The following ALK variants were observed in gnomAD, a reference collection of about 807,000 sequenced individuals.
ALK encodes ALK tyrosine kinase receptor.
A neutral mutation model predicts 163.1 loss-of-function variants in ALK; 74 were observed. The ratio of observed to expected loss-of-function variants is 0.45; its 90% CI spans 0.38 to 0.55. The LOEUF (loss-of-function observed/expected upper bound fraction) is 0.55. ALK is among the 20% of genes least tolerant of loss of function. ALK has a pLI of 0.00. For missense variants in ALK, 2,063 were observed against 2,105.3 expected, an observed-to-expected ratio of 0.98 and a Z score of 0.39; for synonymous variants, 960 against 843.2, an observed-to-expected ratio of 1.14 and a Z score of -2.40.
rs376505974 is a variant in ALK, at chr2:29,688,413, C to T, written c.952+6437G>A. Among the ~76,000 whole-genome samples, 136 of 152,222 alleles carry T rather than the reference C, an allele frequency of 8.9e-4. No homozygotes were observed. In the South Asian group the frequency reaches 0.016, roughly 17 times the overall value. ...TCTAAAAGAGAAAAGAAAACCTTTG[C>T]TAATAAATAGTATTATACAGTTAGG... On this transcript the variant is annotated intron_variant, in intron 3 of 28. Transcript: ENST00000389048.
intron 1 of ALK, among the ~76,000 whole-genome samples, chr2:29,831,081 GAGGAGGAGGAGGAGGA>G (rs1665386269): frequency 1.3e-4 from 6 of 44,696 alleles, no homozygotes; most frequent in African/African-American, 5.5e-4. Flanking sequence ...GGAGGAGGAG[GAGGAGGAGGAGGAGGA>G]GGAGGAGGAG....
At position 29,733,914 on chromosome 2, in the gene ALK, G is replaced by C. The variant is rs566213394; in HGVS notation, c.668-16217C>G. ...GGACATTGGACCTGCTGAGCCTGTG[G>C]CCTGTAGATCCTGGCAGACCACCAC... On this transcript the variant is annotated intron_variant, in intron 1 of 28. Coordinates refer to ENST00000389048, the MANE Select transcript of ALK (RefSeq NM_004304.5). Among the ~76,000 whole-genome samples the C allele has an allele frequency of 1.7e-4, 26 of 152,258 alleles. No individual in the cohort carries two copies. The East Asian group carries it at 5.0e-3, about 29-fold the overall frequency.
At chr2:29,547,472 C>T (rs2148171718) in intron 3 of ALK, among the ~76,000 whole-genome samples, 1 of 152,232 alleles carries the variant, frequency 6.6e-6, no homozygotes, top group East Asian at 1.9e-4. Flanking sequence ...TGGCGTGCGC[C>T]TGTAGTCCTA....
Position 29,642,675 on chromosome 2 carries a change from C to A in ALK, c.952+52175G>T, listed in dbSNP as rs568860643. ...CTGTGTTCTGCAGTTTCTCTCCTGTCTCAGACTCAACTCTCACCTATTCAG... is the reference window on the plus strand; with the variant it reads ...CTGTGTTCTGCAGTTTCTCTCCTGTATCAGACTCAACTCTCACCTATTCAG... On this transcript the variant is annotated intron_variant, in intron 3 of 28. Transcript: ENST00000389048. 9.2e-5 allele frequency among the ~76,000 whole-genome samples: 14 copies of A among 152,230 alleles called. No individual in the cohort carries two copies. In the South Asian group the frequency reaches 1.0e-3, roughly 11 times the overall value.
chr2:29,255,054 C>A (rs1200840663), intron 11 of ALK, among the ~76,000 whole-genome samples: 1 of 152,172 alleles, frequency 6.6e-6, no homozygotes, highest in East Asian at 1.9e-4. Context: ...ATTTATCTTG[C>A]CAGAATTCTG....
chr2:29,417,253 G>A (rs1669905154), intron 4 of ALK, among the ~76,000 whole-genome samples: 1 of 152,130 alleles, frequency 6.6e-6, no homozygotes, highest in Admixed American at 6.5e-5. Context: ...CTCCCAAAGT[G>A]CTGGGATTAC....
intron 1 of ALK, among the ~76,000 whole-genome samples, chr2:29,896,459 C>G (rs562630464): frequency 9.9e-5 from 15 of 152,090 alleles, no homozygotes; most frequent in Non-Finnish European, 2.1e-4. Flanking sequence ...AAGGGTGGGG[C>G]TCTAATCTAA....
At position 29,822,082 on chromosome 2, in the gene ALK, C is replaced by T. The variant is rs140941905; in HGVS notation, c.667+97911G>A. On this transcript the variant is annotated intron_variant, in intron 1 of 28. Transcript: ENST00000389048. ...TCTGGAACTTCTATTGTCCTTTTCC[C>T]TAAAGAGTCCAAAGGATTTTATGCA... Among the ~76,000 whole-genome samples the T allele has an allele frequency of 1.3e-3, 203 of 152,282 alleles. 2 individuals are homozygous for T. Among genetic ancestry groups the T allele is most frequent in the Admixed American group, 0.01 (157 of 15,298 alleles).
At chr2:29,755,346 T>G (rs1314640269) in intron 1 of ALK, among the ~76,000 whole-genome samples, 1 of 152,202 alleles carries the variant, frequency 6.6e-6, no homozygotes, top group East Asian at 1.9e-4. Flanking sequence ...GTGTCAAACA[T>G]CCACACATCC....
rs143844666 is a variant in ALK at position 29,683,979 on chromosome 2, C to T, written c.952+10871G>A. On this transcript the variant is annotated intron_variant, in intron 3 of 28. Coordinates refer to ENST00000389048, the MANE Select transcript of ALK (RefSeq NM_004304.5). ...GACCCCCAGATCCCTCTTCAACTTA[C>T]GTTGAACCAGTCTTTCTCTATCTTG... Among the ~76,000 whole-genome samples the T allele has an allele frequency of 1.3e-3, 204 of 152,328 alleles. 2 individuals are homozygous for T. Among genetic ancestry groups the T allele is most frequent in the African/African-American group, 4.5e-3 (189 of 41,582 alleles).
chr2:29,468,482 G>T (rs1350304201), intron 4 of ALK, among the ~76,000 whole-genome samples: 1 of 152,096 alleles, frequency 6.6e-6, no homozygotes, highest in Non-Finnish European at 1.5e-5. Flanking sequence ...GCTTGCTAGC[G>T]ATATGAGCCC....
chr2:29,442,085 G>C (rs1434208913), intron 4 of ALK, among the ~76,000 whole-genome samples: 1 of 151,368 alleles, frequency 6.6e-6, no homozygotes, highest in Non-Finnish European at 1.5e-5. Context: ...GTGCACCCAA[G>C]ACCACTAATG....
intron 4 of ALK, among the ~76,000 whole-genome samples, chr2:29,421,044 G>A (rs1426834271): frequency 6.6e-6 from 1 of 151,440 alleles, no homozygotes; most frequent in Non-Finnish European, 1.5e-5. Flanking sequence ...ATCATTCCAC[G>A]TTCATCCCAG....
chr2:29,399,473 G>A (rs1490545230), intron 4 of ALK, among the ~76,000 whole-genome samples: 3 of 152,240 alleles, frequency 2.0e-5, no homozygotes, highest in Non-Finnish European at 4.4e-5. Flanking sequence ...GAGGGTGCCC[G>A]TGTCTCCTTT....
intron 1 of ALK, among the ~76,000 whole-genome samples, chr2:29,763,068 C>T (rs902371072): frequency 7.6e-5 from 10 of 131,750 alleles, no homozygotes; most frequent in Non-Finnish European, 1.5e-4. Flanking sequence ...GCCTAGGCGA[C>T]AGAGTGAGAC....
intron 1 of ALK, among the ~76,000 whole-genome samples, chr2:29,857,889 G>A (rs1383718978): frequency 6.6e-6 from 1 of 152,088 alleles, no homozygotes; most frequent in Non-Finnish European, 1.5e-5. Context: ...ATGCAGTTGT[G>A]AGAAATAGCA....
chr2:29,589,849 C>T (rs191258534), intron 3 of ALK, among the ~76,000 whole-genome samples: 10 of 152,326 alleles, frequency 6.6e-5, no homozygotes, highest in Middle Eastern at 6.8e-3. Context: ...AATCAGCTGC[C>T]AAGGGAGTGG....
chr2:29,401,174 C>T (rs1669436375), intron 4 of ALK, among the ~76,000 whole-genome samples: 1 of 152,144 alleles, frequency 6.6e-6, no homozygotes, highest in Non-Finnish European at 1.5e-5. Flanking sequence ...TACACCTGAT[C>T]AAGTTGGGCC....
chr2:29,270,835 T>A (rs1220380756), intron 11 of ALK, among the ~76,000 whole-genome samples: 2 of 152,140 alleles, frequency 1.3e-5, no homozygotes, highest in Non-Finnish European at 2.9e-5. Flanking sequence ...AGAGGGAACT[T>A]CCTGCTTCCT....
Sources: allele counts gnomAD v4.1 joint callset (sites outside exome capture counted in the v4.1 genomes callset), GRCh38; gene constraint gnomAD v4.1.1; transcripts MANE v1.5; gene names NCBI Gene and HGNC (gene_info 2026-07-23, HGNC 2026-07-21).